GALNT13: variants seen among roughly 807,000 people sequenced by gnomAD.
GALNT13 encodes the protein UDP-GalNAc:polypeptide N-acetylgalactosaminyltransferase 13.
GALNT13 carries 28 observed loss-of-function variants against 64.2 expected under a neutral mutation model. The observed-to-expected ratio is 0.44, with a 90% CI of 0.32 to 0.60. The LOEUF (loss-of-function observed/expected upper bound fraction) is 0.60. Among genes scored for constraint, GALNT13 ranks in the 20% least tolerant of loss-of-function variants. GALNT13 has a pLI of 0.05. For synonymous variants in GALNT13, 214 were observed against 224.6 expected (o/e 0.95, Z 0.42); for missense variants, 577 against 669.8 (o/e 0.86, Z 1.53).
chr2:154,266,286 G>A (rs1201345708), intron 8 of GALNT13, among the ~76,000 whole-genome samples: 3 of 152,066 alleles, frequency 2.0e-5, no homozygotes, highest in African/African-American at 4.8e-5. Context: ...CAACAAGGTC[G>A]GAAGAATAAA....
the GALNT13 span, among the ~76,000 whole-genome samples, chr2:153,510,084 CAG>C: frequency 2.0e-5 from 3 of 152,258 alleles, no homozygotes; most frequent in South Asian, 6.2e-4. Context: ...AGGAAAGAAA[CAG>C]AGTATCTAAT....
At chr2:154,344,498 A>G (rs147528922) in intron 9 of GALNT13, among the ~76,000 whole-genome samples, 2 of 102,146 alleles carry the variant, frequency 2.0e-5, no homozygotes, top group African/African-American at 5.6e-5. Flanking sequence ...AAATGGATTT[A>G]CATCTAAATC....
chr2:153,870,705 T>G (rs1256237198), upstream of GALNT13, among the ~76,000 whole-genome samples: 1 of 151,068 alleles, frequency 6.6e-6, no homozygotes, highest in Non-Finnish European at 1.5e-5. Context: ...GAAATTGCCT[T>G]TCATGAGTAT....
chr2:154,302,607 A>AG (rs2105099511), intron 9 of GALNT13, among the ~76,000 whole-genome samples: 1 of 152,380 alleles, frequency 6.6e-6, no homozygotes, highest in South Asian at 2.1e-4. Context: ...CCCAAGGCAC[A>AG]GTCTGGAGAG....
At chr2:153,093,326 C>G in the GALNT13 span, among the ~76,000 whole-genome samples, 1 of 150,868 alleles carries the variant, frequency 6.6e-6, no homozygotes, top group East Asian at 1.9e-4. Flanking sequence ...GCAACCTCCA[C>G]CTGCTGGGTT....
chr2:154,047,266 C>T (rs1474492699), intron 3 of GALNT13, among the ~76,000 whole-genome samples: 3 of 152,164 alleles, frequency 2.0e-5, no homozygotes, highest in African/African-American at 7.2e-5. Context: ...GATTTAGTGA[C>T]ATCTGCCGTG....
the GALNT13 span, among the ~76,000 whole-genome samples, chr2:153,747,562 G>A: frequency 6.6e-6 from 1 of 151,360 alleles, no homozygotes; most frequent in Non-Finnish European, 1.5e-5. Flanking sequence ...CTGGAAGCTG[G>A]GATTACGGGT....
intron 4 of GALNT13, among the ~76,000 whole-genome samples, chr2:154,149,225 A>T (rs1313806896): frequency 6.6e-6 from 1 of 152,140 alleles, no homozygotes; most frequent in Non-Finnish European, 1.5e-5. Context: ...TTTATCAAAG[A>T]TCAGATAGTT....
the GALNT13 span, among the ~76,000 whole-genome samples, chr2:153,181,723 T>C: frequency 1.4e-5 from 2 of 145,538 alleles, no homozygotes; most frequent in Admixed American, 1.4e-4. Context: ...ATTATATTGA[T>C]AAATAGAAAT....
chr2:154,224,764 A>T (rs2105829901), intron 4 of GALNT13, among the ~76,000 whole-genome samples: 1 of 152,250 alleles, frequency 6.6e-6, no homozygotes, highest in Non-Finnish European at 1.5e-5. Flanking sequence ...AATAAGCTGC[A>T]CATAAATCAG....
chr2:153,959,711 A>C (rs909295249), intron 3 of GALNT13, among the ~76,000 whole-genome samples: 1 of 152,086 alleles, frequency 6.6e-6, no homozygotes, highest in African/African-American at 2.4e-5. Context: ...AGGATACCTC[A>C]GCTTGGGTGA....
the GALNT13 span, among the ~76,000 whole-genome samples, chr2:153,206,086 C>T: frequency 1.3e-5 from 2 of 151,926 alleles, no homozygotes; most frequent in Admixed American, 6.6e-5. Context: ...TAGTATGATT[C>T]TCTTTTATAC....
At chr2:153,375,154 T>A in the GALNT13 span, among the ~76,000 whole-genome samples, 1 of 152,162 alleles carries the variant, frequency 6.6e-6, no homozygotes, top group African/African-American at 2.4e-5. Flanking sequence ...CTTTTACTAC[T>A]TTTATGGCTT....
intron 2 of GALNT13, among the ~76,000 whole-genome samples, chr2:153,904,170 C>T (rs1169706979): frequency 6.6e-6 from 1 of 151,802 alleles, no homozygotes; most frequent in African/African-American, 2.4e-5. Context: ...ATTTTCATTG[C>T]TATATAGTAT....
chr2:153,498,069 C>T, the GALNT13 span, among the ~76,000 whole-genome samples: 1 of 152,172 alleles, frequency 6.6e-6, no homozygotes, highest in Middle Eastern at 3.2e-3. Context: ...ATTTTGTACT[C>T]TTACTGATCT....
chr2:153,960,096 TC>T (rs1692841424), intron 3 of GALNT13, among the ~76,000 whole-genome samples: 1 of 152,322 alleles, frequency 6.6e-6, no homozygotes, highest in East Asian at 1.9e-4. Context: ...AAATAGTGGC[TC>T]TGGAAAGAGC....
chr2:153,902,336 G>C (rs1184521965), intron 2 of GALNT13, among the ~76,000 whole-genome samples: 2 of 152,082 alleles, frequency 1.3e-5, no homozygotes, highest in Admixed American at 1.3e-4. Flanking sequence ...GACAAAGCTA[G>C]TGATTTTGTT....
chr2:153,077,164 C>A, the GALNT13 span, among the ~76,000 whole-genome samples: 2 of 152,030 alleles, frequency 1.3e-5, no homozygotes, highest in Admixed American at 6.6e-5. Flanking sequence ...GTTGGCCACG[C>A]TGGTCTCTAA....
intron 4 of GALNT13, among the ~76,000 whole-genome samples, chr2:154,209,904 C>T (rs1687672247): frequency 6.6e-6 from 1 of 151,942 alleles, no homozygotes; most frequent in Admixed American, 6.6e-5. Context: ...TAAAATATAC[C>T]TTATTTAACT....
Sources: allele counts gnomAD v4.1 joint callset (sites outside exome capture counted in the v4.1 genomes callset), GRCh38; gene constraint gnomAD v4.1.1; transcripts MANE v1.5; gene names NCBI Gene and HGNC (gene_info 2026-07-23, HGNC 2026-07-21).